The following TBX21 variants were observed in gnomAD, a reference collection of about 807,000 sequenced individuals.
TBX21 encodes the protein T-box transcription factor TBX21.
Under a neutral mutation model 52.2 loss-of-function variants are expected in TBX21, and 11 were observed. That is an observed-to-expected ratio of 0.21 (90% CI 0.13 to 0.35). The LOEUF (loss-of-function observed/expected upper bound fraction) is 0.35. TBX21 is among the 10% of genes least tolerant of loss of function. TBX21 has a pLI of 1.00. For synonymous variants in TBX21, 300 were observed against 316.1 expected (o/e 0.95, Z 0.54); for missense variants, 625 against 755.1 (o/e 0.83, Z 2.02).
rs761076684 is a variant in TBX21, at chr17:47,742,751, G to A, written c.633G>A (p.Glu211=). 1.3e-6 allele frequency: 2 copies of A among 1,573,706 alleles called. No homozygotes were observed. Among genetic ancestry groups the A allele is most frequent in the Admixed American group, 1.9e-5 (1 of 52,982 alleles). The change falls in exon 2 of 6, where the codon GAG becomes GAA. Residue 211 remains glutamate (E), a synonymous_variant. Coordinates refer to ENST00000177694, the MANE Select transcript of TBX21 (RefSeq NM_013351.2). This position sits in a 1 kb window ranked among gnomAD's most constrained non-coding sequence, Gnocchi z 4.4. ...AGTGGGTGCAGTGTGGAAAGGCCGA[G>A]GGCAGCATGCCAGGTGCGCGCGCCC... ...SGKWVQCGKA[E]GSMPGNRLYV... is the part of the protein sequence containing the mutation.
rs866405662 is a variant in TBX21 at position 47,743,110 on chromosome 17, G to A, written c.686G>A (p.Gly229Glu). The A allele has an allele frequency of 6.2e-7, 1 of 1,614,168 alleles. No homozygotes were observed. Residue 229 changes from glycine to glutamate, a missense_variant, in exon 3 of 6, where the codon GGA becomes GAA. Coordinates refer to ENST00000177694, the MANE Select transcript of TBX21 (RefSeq NM_013351.2). ...LYVHPDSPNT[G>E]AHWMRQEVSF... is the part of the protein sequence containing the mutation. Reference sequence around the variant, plus strand: ...GTCCACCCGGACTCCCCCAACACAGGAGCGCACTGGATGCGCCAGGAAGTT... The same window carrying A: ...GTCCACCCGGACTCCCCCAACACAGAAGCGCACTGGATGCGCCAGGAAGTT...
intron 1 of TBX21, among the ~76,000 whole-genome samples, chr17:47,735,291 G>C (rs1224949570): frequency 6.6e-6 from 1 of 152,170 alleles, no homozygotes; most frequent in East Asian, 1.9e-4. Flanking sequence ...GCCACAACTG[G>C]CTTCAAGTTA....
chr17:47,737,052 T>C (rs1443752089), intron 1 of TBX21, among the ~76,000 whole-genome samples: 2 of 151,956 alleles, frequency 1.3e-5, no homozygotes, highest in African/African-American at 2.4e-5. Flanking sequence ...GATTCCTGGG[T>C]CTGGAGATTG....
At position 47,745,308 on chromosome 17, in the gene TBX21, C is replaced by A. The variant is rs767338550; in HGVS notation, c.1550C>A (p.Ala517Asp). 6.2e-7 allele frequency: 1 copy of A among 1,611,620 alleles called. No individual in the cohort carries two copies. The highest frequency in any genetic ancestry group is 1.7e-5 in the Admixed American group (1 of 59,158). Residue 517 changes from alanine (A) to aspartate (D), a missense_variant, in exon 6 of 6, where the codon GCC becomes GAC. Transcript: ENST00000177694. ...SSGDSSSPAGAPSPFDKEAEG... is the reference protein window; with the variant it reads ...SSGDSSSPAGDPSPFDKEAEG... ...GGTGACAGCTCCTCCCCTGCTGGGG[C>A]CCCTTCTCCTTTTGATAAGGAAGCT...
At chr17:47,739,099 C>A (rs571866530) in intron 1 of TBX21, among the ~76,000 whole-genome samples, 21 of 152,066 alleles carry the variant, frequency 1.4e-4, no homozygotes, top group African/African-American at 4.8e-4. Context: ...GGTCTTGGAC[C>A]CTGTCTTATG....
Position 47,733,781 on chromosome 17 carries a change from C to A in TBX21, c.327C>A (p.Ala109=). 6.5e-7 allele frequency: 1 copy of A among 1,544,626 alleles called. No homozygotes were observed. Among genetic ancestry groups the A allele is most frequent in the Non-Finnish European group, 8.7e-7 (1 of 1,146,330 alleles). ...GCTACCAGCCGGGCGAGGGCTACGC[C>A]GCCCCGGACCCGCGCGCCGGGCTCT... The part of the protein sequence containing the change: ...AEGYQPGEGY[A]APDPRAGLYP... The change falls in exon 1 of 6, where the codon GCC becomes GCA. Residue 109 remains alanine (A), a synonymous_variant. Transcript: ENST00000177694. The surrounding 1 kb of genome is among the most constrained non-coding windows in gnomAD (Gnocchi z 6.6).
At position 47,744,509 on chromosome 17, in the gene TBX21, C is replaced by T; in HGVS notation, c.955C>T (p.Pro319Ser). The T allele has an allele frequency of 6.2e-7, 1 of 1,614,120 alleles. No homozygotes were observed. Among genetic ancestry groups the T allele is most frequent in the Non-Finnish European group, 8.5e-7 (1 of 1,180,018 alleles). Reference sequence around the variant, plus strand: ...TACTCAGCTGAAAATTGATAATAACCCCTTTGCCAAAGGATTCCGGGAGAA... The same window carrying T: ...TACTCAGCTGAAAATTGATAATAACTCCTTTGCCAAAGGATTCCGGGAGAA... ...EITQLKIDNN[P>S]FAKGFRENFE... The change falls in exon 5 of 6, where the codon CCC becomes TCC. Residue 319 changes from proline to serine, a missense_variant. Physicochemically the swap from Pro to Ser is moderately conservative, Grantham distance 74. Transcript: ENST00000177694.
In TBX21 at chr17:47,742,771, G is replaced by C. The variant is rs1433095980; in HGVS notation, c.646+7G>C. ...GCCGAGGGCAGCATGCCAGGTGCGC[G>C]CGCCCCTGGGAGCGGTGGGCTCTGT... On this transcript the variant is annotated splice_region_variant and intron_variant, in intron 2 of 5. Transcript: ENST00000177694. This position sits in a 1 kb window ranked among gnomAD's most constrained non-coding sequence, Gnocchi z 4.4. 1.3e-6 allele frequency: 2 copies of C among 1,558,504 alleles called. No individual in the cohort carries two copies. Among genetic ancestry groups the C allele is most frequent in the African/African-American group, 2.7e-5 (2 of 73,892 alleles).
At position 47,742,252 on chromosome 17, in the gene TBX21, T is replaced by A. The variant is rs574924763; in HGVS notation, c.492-358T>A. 4.6e-5 allele frequency among the ~76,000 whole-genome samples: 7 copies of A among 152,092 alleles called. No individual in the cohort carries two copies. The East Asian group carries it at 1.4e-3, about 29-fold the overall frequency. The stretch of plus-strand genomic sequence containing the variant: ...ACCCAGCTATTTTTGTTGTTGTTGT[T>A]GTACTTTTTAGTAGAGACGGGGTTT... On this transcript the variant is annotated intron_variant, in intron 1 of 5. Coordinates refer to ENST00000177694, the MANE Select transcript of TBX21 (RefSeq NM_013351.2). This position sits in a 1 kb window ranked among gnomAD's most constrained non-coding sequence, Gnocchi z 4.4.
Position 47,744,871 on chromosome 17 carries a change from C to G in TBX21, c.1113C>G (p.Pro371=). 1.2e-6 allele frequency: 2 copies of G among 1,614,236 alleles called. No individual in the cohort carries two copies. The highest frequency in any genetic ancestry group is 8.5e-7 in the Non-Finnish European group (1 of 1,180,036). The change falls in exon 6 of 6, where the codon CCC becomes CCG. Residue 371 remains proline, a synonymous_variant. Transcript: ENST00000177694. ...ATCCTGTTCCCAGCCGCTTCTACCC[C>G]GACCTTCCTGGCCAGGCGAAGGATG... The part of the protein sequence containing the change: ...NQYPVPSRFY[P]DLPGQAKDVV...
In TBX21 at chr17:47,743,144, G is replaced by A; in HGVS notation, c.720G>A (p.Gly240=). Residue 240 remains glycine (G), a synonymous_variant, in exon 3 of 6, where the codon GGG becomes GGA. Transcript: ENST00000177694. The part of the protein sequence containing the change: ...AHWMRQEVSF[G]KLKLTNNKGA... ...GGATGCGCCAGGAAGTTTCATTTGG[G>A]AAACTAAAGCTCACAAACAACAAGG... The A allele has an allele frequency of 6.2e-7, 1 of 1,614,144 alleles. No individual in the cohort carries two copies. The highest frequency in any genetic ancestry group is 8.5e-7 in the Non-Finnish European group (1 of 1,180,016).
At chr17:47,739,501 G>A (rs2143428884) in intron 1 of TBX21, among the ~76,000 whole-genome samples, 1 of 151,986 alleles carries the variant, frequency 6.6e-6, no homozygotes, top group East Asian at 1.9e-4. Flanking sequence ...GCTCACCCCT[G>A]TAATCCCAGC....
intron 4 of TBX21, 44 bp from the exon 5 acceptor site, chr17:47,744,438 C>A (rs780751276): frequency 1.9e-6 from 3 of 1,613,620 alleles, no homozygotes; most frequent in South Asian, 2.2e-5. Context: ...AGTTCCCGAG[C>A]CCCAGACTCA....
rs893694445 is a variant in TBX21, at chr17:47,733,629, C to T, written c.175C>T (p.Pro59Ser). Reference sequence around the variant, plus strand: ...GGGCGGCAGCCTGGGGTCTCCCTACCCGGGGGGCGCCTTGGTGCCCGCCCC... The same window carrying T: ...GGGCGGCAGCCTGGGGTCTCCCTACTCGGGGGGCGCCTTGGTGCCCGCCCC... Reference protein sequence around the residue: ...RGGGSLGSPYPGGALVPAPPS... With the variant: ...RGGGSLGSPYSGGALVPAPPS... Residue 59 changes from proline (P) to serine (S), a missense_variant, in exon 1 of 6, where the codon CCG (proline) becomes TCG (serine). Coordinates refer to ENST00000177694, the MANE Select transcript of TBX21 (RefSeq NM_013351.2). The surrounding 1 kb of genome is among the most constrained non-coding windows in gnomAD (Gnocchi z 6.6). 54 of 1,449,838 alleles carry T rather than the reference C, an allele frequency of 3.7e-5. No individual in the cohort carries two copies. The African/African-American group carries it at 6.7e-4, about 18-fold the overall frequency. 89.8% of individuals were successfully genotyped at this position (1,449,838 alleles called of 1,614,324 possible).
chr17:47,738,821 A>C (rs892524708), intron 1 of TBX21, among the ~76,000 whole-genome samples: 15 of 152,004 alleles, frequency 9.9e-5, no homozygotes, highest in African/African-American at 3.4e-4. Flanking sequence ...GGCTGGTCTC[A>C]AACTCCTGAC....
chr17:47,745,470 GC>G lies in TBX21; in HGVS notation c.*107del. The G allele has an allele frequency of 6.8e-7, 1 of 1,465,924 alleles. No individual in the cohort carries two copies. Among genetic ancestry groups the G allele is most frequent in the East Asian group, 2.3e-5 (1 of 43,756 alleles). 90.8% of individuals were successfully genotyped at this position (1,465,924 alleles called of 1,614,324 possible). A position where few individuals can be genotyped will look rare whatever the true frequency, so the allele number is the denominator to read the frequency against. ...ACTGAGAAGGCCCCCGCTCCCTCTG[GC>G]CCTTCTCTGTTTAGTAGTTGGTTGG... On this transcript the variant is annotated 3_prime_UTR_variant, in exon 6 of 6. Coordinates refer to ENST00000177694, the MANE Select transcript of TBX21 (RefSeq NM_013351.2).
At chr17:47,734,607 G>C in intron 1 of TBX21, among the ~76,000 whole-genome samples, 1 of 97,600 alleles carries the variant, frequency 1.0e-5, no homozygotes, top group African/African-American at 4.3e-5. Context: ...GTGTGTGTGT[G>C]TGTATGTGTG....
Position 47,733,985 on chromosome 17 carries a change from C to T in TBX21, c.491+40C>T. 3.1e-6 allele frequency: 5 copies of T among 1,611,626 alleles called. 1 individual carries two copies. In the South Asian group the frequency reaches 4.4e-5, roughly 14 times the overall value. On this transcript the variant is annotated intron_variant, in intron 1 of 5. Transcript: ENST00000177694. The surrounding 1 kb of genome is among the most constrained non-coding windows in gnomAD (Gnocchi z 6.6). ...CCGGCCCTTGGGGCCTCTGTGCCCGCGCCGGAACAAGAACGTCTCGTCTGT... is the reference window on the plus strand; with the variant it reads ...CCGGCCCTTGGGGCCTCTGTGCCCGTGCCGGAACAAGAACGTCTCGTCTGT...
rs1240640809 is a variant in TBX21 at position 47,745,176 on chromosome 17, C to T, written c.1418C>T (p.Pro473Leu). The change falls in exon 6 of 6, where the codon CCC (proline) becomes CTC (leucine). Residue 473 changes from proline (P) to leucine (L), a missense_variant. By Grantham distance (98) the Pro-to-Leu change is moderately conservative (BLOSUM62 -3). Transcript: ENST00000177694. ...GGACGGGGACCAGAGGACCAGGGTC[C>T]CCCCTTGGTGTGGACTGAGATTGCC... Reference protein sequence around the residue: ...SEGRGPEDQGPPLVWTEIAPI... With the variant: ...SEGRGPEDQGLPLVWTEIAPI... The T allele has an allele frequency of 1.9e-6, 3 of 1,614,174 alleles. No homozygotes were observed. The highest frequency in any genetic ancestry group is 2.5e-6 in the Non-Finnish European group (3 of 1,180,020).
Sources: allele counts gnomAD v4.1 joint callset (sites outside exome capture counted in the v4.1 genomes callset), GRCh38; gene constraint gnomAD v4.1.1; non-coding constraint Gnocchi (gnomAD v3.1); transcripts MANE v1.5; gene names NCBI Gene and HGNC (gene_info 2026-07-23, HGNC 2026-07-21).